The following ZNF184 variants were observed in gnomAD, a reference collection of about 807,000 sequenced individuals.
The protein encoded by ZNF184 is zinc finger protein 184 (Kruppel-like).
ZNF184 carries 16 observed loss-of-function variants against 54.4 expected under a neutral mutation model. That is an observed-to-expected ratio of 0.29 (90% CI 0.20 to 0.45). ZNF184 has a LOEUF of 0.45. Among genes scored for constraint, ZNF184 ranks in the 20% least tolerant of loss-of-function variants. The pLI, the probability that ZNF184 is intolerant of heterozygous loss-of-function variation, is 1.00. For synonymous variants in ZNF184, 254 were observed against 295.3 expected, an observed-to-expected ratio of 0.86 and a Z score of 1.43; for missense variants, 681 against 888.2, an observed-to-expected ratio of 0.77 and a Z score of 2.97.
the ZNF184 span, among the ~76,000 whole-genome samples, chr6:27,425,158 C>T: frequency 1.3e-5 from 2 of 152,330 alleles, no homozygotes; most frequent in East Asian, 3.9e-4. Flanking sequence ...CCCGGAACTC[C>T]AGCTGGCCCG....
chr6:27,450,522 A>G (rs1368305295), downstream of ZNF184, among the ~76,000 whole-genome samples: 1 of 152,114 alleles, frequency 6.6e-6, no homozygotes, highest in Non-Finnish European at 1.5e-5. Context: ...TTCATCTGAC[A>G]CTGGATCTGC....
intron 3 of ZNF184, among the ~76,000 whole-genome samples, chr6:27,464,392 T>G (rs1581585371): frequency 1.3e-5 from 2 of 152,258 alleles, no homozygotes; most frequent in Admixed American, 1.3e-4. Flanking sequence ...AAATACACTA[T>G]TCTAAGTAAA....
At chr6:27,455,375 T>G (rs890015047) in intron 5 of ZNF184, among the ~76,000 whole-genome samples, 2 of 152,184 alleles carry the variant, frequency 1.3e-5, no homozygotes, top group Admixed American at 1.3e-4. Context: ...ATCTTTCTGG[T>G]AAAAAGTAGT....
At chr6:27,456,612 TCTC>T (rs1189256346) in intron 5 of ZNF184, among the ~76,000 whole-genome samples, 1 of 151,920 alleles carries the variant, frequency 6.6e-6, no homozygotes, top group African/African-American at 2.4e-5. Context: ...AGGAAGGACA[TCTC>T]CTCAAAAAGG....
At chr6:27,415,944 G>A in the ZNF184 span, among the ~76,000 whole-genome samples, 1 of 152,192 alleles carries the variant, frequency 6.6e-6, no homozygotes, top group Non-Finnish European at 1.5e-5. Context: ...GATGCTTCCT[G>A]CTGATGGCTC....
At chr6:27,461,007 G>A (rs908614516) in intron 3 of ZNF184, among the ~76,000 whole-genome samples, 4 of 152,148 alleles carry the variant, frequency 2.6e-5, no homozygotes, top group Admixed American at 1.3e-4. Flanking sequence ...GATTAATGAC[G>A]TTATTCTGTG....
At chr6:27,466,505 CA>C (rs1326898884) in intron 3 of ZNF184, among the ~76,000 whole-genome samples, 1 of 152,102 alleles carries the variant, frequency 6.6e-6, no homozygotes, top group Non-Finnish European at 1.5e-5. Flanking sequence ...GACAAAAAAA[CA>C]AGTCTCCATA....
At chr6:27,424,304 G>T in the ZNF184 span, among the ~76,000 whole-genome samples, 2 of 152,328 alleles carry the variant, frequency 1.3e-5, no homozygotes, top group South Asian at 4.1e-4. Context: ...CAAAGAGTAA[G>T]CAGCAGCAAG....
chr6:27,418,874 CTT>C, the ZNF184 span, among the ~76,000 whole-genome samples: 1 of 152,032 alleles, frequency 6.6e-6, no homozygotes, highest in Non-Finnish European at 1.5e-5. Context: ...GTGTTTTCAA[CTT>C]TTAATTCATG....
At chr6:27,405,038 A>G in the ZNF184 span, 3 of 152,056 alleles carry the variant, frequency 2.0e-5, no homozygotes, top group East Asian at 3.9e-4. Context: ...AGCACTATAT[A>G]ATACCTGATA....
chr6:27,431,998 A>G, the ZNF184 span, among the ~76,000 whole-genome samples: 30 of 152,326 alleles, frequency 2.0e-4, no homozygotes, highest in East Asian at 5.8e-3. Context: ...GAGAGAAAGC[A>G]GGGAGAGGTT....
chr6:27,442,812 G>GAGAAAGAAAGAA, the ZNF184 span, among the ~76,000 whole-genome samples: 63 of 52,662 alleles, frequency 1.2e-3, 3 homozygotes, highest in East Asian at 2.4e-3. Context: ...GAGAAAGAAA[G>GAGAAAGAAAGAA]AGAAAGAAAG....
At chr6:27,414,163 A>G in the ZNF184 span, among the ~76,000 whole-genome samples, 4 of 152,186 alleles carry the variant, frequency 2.6e-5, no homozygotes, top group Admixed American at 1.3e-4. Flanking sequence ...ATTGTTCTAG[A>G]ATCAAACCAT....
At chr6:27,442,456 C>CA in the ZNF184 span, among the ~76,000 whole-genome samples, 1 of 151,484 alleles carries the variant, frequency 6.6e-6, no homozygotes, top group Non-Finnish European at 1.5e-5. Flanking sequence ...CCTGTCTCTA[C>CA]AAAAAATAAA....
At chr6:27,418,378 G>A in the ZNF184 span, among the ~76,000 whole-genome samples, 10 of 152,280 alleles carry the variant, frequency 6.6e-5, no homozygotes, top group South Asian at 1.5e-3. Context: ...AGGGTTTTTG[G>A]CTCCATGATG....
chr6:27,466,040 T>G (rs1228050966), intron 3 of ZNF184, among the ~76,000 whole-genome samples: 2 of 152,176 alleles, frequency 1.3e-5, no homozygotes, highest in Non-Finnish European at 2.9e-5. Flanking sequence ...TTATTCTGTA[T>G]TACATAGGTG....
chr6:27,469,828 A>G (rs140552879), intron 2 of ZNF184, among the ~76,000 whole-genome samples: 280 of 152,316 alleles, frequency 1.8e-3, no homozygotes, highest in African/African-American at 6.3e-3. Context: ...TGAAAAAAAG[A>G]AGGGAAACTC....
chr6:27,416,159 A>G, the ZNF184 span, among the ~76,000 whole-genome samples: 2 of 152,230 alleles, frequency 1.3e-5, no homozygotes, highest in African/African-American at 2.4e-5. Context: ...GATTATCTGC[A>G]AAGTCTATTT....
At chr6:27,468,607 T>C (rs969092417) in intron 2 of ZNF184, among the ~76,000 whole-genome samples, 2 of 152,170 alleles carry the variant, frequency 1.3e-5, no homozygotes, top group Non-Finnish European at 2.9e-5. Context: ...ATCTCAGAAC[T>C]AGAAACAACC....
Sources: gnomAD v4.1 joint callset for allele counts (sites outside exome capture counted in the v4.1 genomes callset) on GRCh38, gnomAD v4.1.1 for gene constraint, MANE v1.5 for transcripts, NCBI Gene and HGNC (gene_info 2026-07-23, HGNC 2026-07-21) for gene names.